The following CNTN1 variants were observed in gnomAD, a reference collection of about 807,000 sequenced individuals.
CNTN1 encodes the protein contactin-1.
A neutral mutation model predicts 126.4 loss-of-function variants in CNTN1; 38 were observed. The observed-to-expected ratio is 0.30, with a 90% confidence interval of 0.23 to 0.39. CNTN1 has a LOEUF of 0.39. CNTN1 is among the 10% of genes least tolerant of loss of function. CNTN1 has a pLI of 1.00. For missense variants in CNTN1, 1,009 were observed against 1,248.4 expected (o/e 0.81, Z 2.89); for synonymous variants, 413 against 422.6 (o/e 0.98, Z 0.28).
chr12:41,058,317 A>T (rs34016577), intron 23 of CNTN1, among the ~76,000 whole-genome samples: 5,323 of 152,200 alleles, frequency 0.035, 119 homozygotes, highest in Middle Eastern at 0.11. Flanking sequence ...GTCAAGATAA[A>T]TGAGTATAAT....
At chr12:40,779,257 A>G (rs1244444507) in intron 1 of CNTN1, among the ~76,000 whole-genome samples, 1 of 151,828 alleles carries the variant, frequency 6.6e-6, no homozygotes, top group African/African-American at 2.4e-5. Context: ...CAAAAAGTCT[A>G]TTTCTCAAAT....
At chr12:41,011,324 T>G (rs1041131726) in intron 17 of CNTN1, among the ~76,000 whole-genome samples, 1 of 152,182 alleles carries the variant, frequency 6.6e-6, no homozygotes, top group Non-Finnish European at 1.5e-5. Context: ...CATGCCCTTG[T>G]GCAAAAGAAA....
intron 1 of CNTN1, among the ~76,000 whole-genome samples, chr12:40,766,234 G>A (rs1939080728): frequency 6.6e-6 from 1 of 151,982 alleles, no homozygotes; most frequent in Non-Finnish European, 1.5e-5. Flanking sequence ...ACATGTGCCT[G>A]TAATCCCAGC....
intron 14 of CNTN1, among the ~76,000 whole-genome samples, chr12:40,947,930 A>T (rs1946496398): frequency 6.6e-6 from 1 of 151,896 alleles, no homozygotes; most frequent in Non-Finnish European, 1.5e-5. Context: ...AATTGTTCAG[A>T]GATTGTGTCA....
At chr12:41,028,740 ATT>A (rs1391991039) in intron 22 of CNTN1, among the ~76,000 whole-genome samples, 1 of 152,174 alleles carries the variant, frequency 6.6e-6, no homozygotes, top group African/African-American at 2.4e-5. Context: ...ATTTCAATAT[ATT>A]TTAAAAGTTC....
At chr12:40,881,559 T>C (rs1045814173) in intron 1 of CNTN1, among the ~76,000 whole-genome samples, 3 of 151,008 alleles carry the variant, frequency 2.0e-5, no homozygotes, top group Non-Finnish European at 4.5e-5. Context: ...ATACATTTAA[T>C]AAATATTGAC....
At position 40,915,289 on chromosome 12, in the gene CNTN1, A is replaced by G. The variant is rs1011311834; in HGVS notation, c.95-3350A>G. On this transcript the variant is annotated intron_variant, in intron 3 of 23. Transcript: ENST00000551295. ...GTAATCAAAGCAATTCTGAATGACC[A>G]TAACTCACCTTACTTCAAAGAGATA... 2.6e-5 allele frequency among the ~76,000 whole-genome samples: 4 copies of G among 152,192 alleles called. No homozygotes were observed. In the East Asian group the frequency reaches 7.7e-4, roughly 29 times the overall value.
intron 12 of CNTN1, among the ~76,000 whole-genome samples, chr12:40,940,191 G>T (rs1946219309): frequency 6.6e-6 from 1 of 151,910 alleles, no homozygotes; most frequent in African/African-American, 2.4e-5. Flanking sequence ...TGTATGTGAG[G>T]GTGTATGTGA....
intron 1 of CNTN1, among the ~76,000 whole-genome samples, chr12:40,807,257 G>T (rs1473644978): frequency 2.0e-5 from 3 of 151,790 alleles, no homozygotes; most frequent in Non-Finnish European, 2.9e-5. Context: ...AGAAAAGGGG[G>T]TGTCCACATC....
At chr12:41,034,016 C>T (rs1949203129) in intron 23 of CNTN1, among the ~76,000 whole-genome samples, 1 of 151,892 alleles carries the variant, frequency 6.6e-6, no homozygotes, top group Admixed American at 6.6e-5. Context: ...AGCCACTGCA[C>T]TCCAGCCTGG....
chr12:40,800,869 C>T (rs550524415), intron 1 of CNTN1, among the ~76,000 whole-genome samples: 2 of 151,892 alleles, frequency 1.3e-5, no homozygotes, highest in Non-Finnish European at 2.9e-5. Flanking sequence ...TGAGCATGAG[C>T]AGGAATCCAT....
chr12:41,057,884 A>C (rs925196465), intron 23 of CNTN1, among the ~76,000 whole-genome samples: 1 of 152,138 alleles, frequency 6.6e-6, no homozygotes, highest in Non-Finnish European at 1.5e-5. Context: ...GCTATACTGG[A>C]GATCAAATCA....
Position 40,855,520 on chromosome 12 carries a change from A to T in CNTN1, c.-76-52837A>T, listed in dbSNP as rs114323352. 1.5e-3 allele frequency among the ~76,000 whole-genome samples: 224 copies of T among 152,180 alleles called. 2 individuals are homozygous for T. Among genetic ancestry groups the T allele is most frequent in the African/African-American group, 5.2e-3 (217 of 41,544 alleles). ...ATATATCATATGCTCAAAAGTATTT[A>T]ATTATCTAATAATGCATTTTAGTTA... is the stretch of plus-strand genomic sequence containing the variant. On this transcript the variant is annotated intron_variant, in intron 1 of 23. Coordinates refer to ENST00000551295, the MANE Select transcript of CNTN1 (RefSeq NM_001843.4).
chr12:40,751,137 G>T (rs57772297), intron 1 of CNTN1, among the ~76,000 whole-genome samples: 1 of 151,948 alleles, frequency 6.6e-6, no homozygotes, highest in Non-Finnish European at 1.5e-5. Flanking sequence ...AGACCAAAAA[G>T]AGACCACTGC....
chr12:40,883,573 A>C (rs1349146354), intron 1 of CNTN1, among the ~76,000 whole-genome samples: 1 of 151,592 alleles, frequency 6.6e-6, no homozygotes, highest in Non-Finnish European at 1.5e-5. Context: ...TTTGATATAA[A>C]AAAAAGACAC....
At chr12:40,995,743 T>C (rs568898747) in intron 17 of CNTN1, among the ~76,000 whole-genome samples, 3 of 152,282 alleles carry the variant, frequency 2.0e-5, no homozygotes, top group East Asian at 1.9e-4. Context: ...TTCTTCTCAA[T>C]TGTAAAAAAA....
At chr12:40,910,169 G>A in intron 3 of CNTN1, 64 bp downstream of exon 3, 1 of 1,259,282 alleles carries the variant, frequency 7.9e-7, no homozygotes, top group African/African-American at 1.5e-5. Context: ...TTTTATCTCT[G>A]CTTTAAACTA....
chr12:40,985,147 G>C (rs1057121789), intron 16 of CNTN1, among the ~76,000 whole-genome samples: 7 of 151,832 alleles, frequency 4.6e-5, no homozygotes, highest in Admixed American at 3.9e-4. Context: ...AAATATATTT[G>C]CTTGGATATG....
intron 16 of CNTN1, among the ~76,000 whole-genome samples, chr12:40,984,182 TATAA>T (rs1383873964): frequency 6.6e-6 from 1 of 151,712 alleles, no homozygotes; most frequent in East Asian, 1.9e-4. Flanking sequence ...TATCACTTTC[TATAA>T]ATGTTTGCCT....
Sources: allele counts gnomAD v4.1 joint callset (sites outside exome capture counted in the v4.1 genomes callset), GRCh38; gene constraint gnomAD v4.1.1; transcripts MANE v1.5; gene names NCBI Gene and HGNC (gene_info 2026-07-23, HGNC 2026-07-21).